NDUFA7: variants seen among roughly 807,000 people sequenced by gnomAD.
NDUFA7 encodes the protein NADH:ubiquinone oxidoreductase subunit A7.
NDUFA7 carries 18 observed loss-of-function variants against 14.2 expected under a neutral mutation model. The observed-to-expected ratio is 1.27, with a 90% CI of 0.88 to 1.88. The LOEUF (loss-of-function observed/expected upper bound fraction) is 1.88. NDUFA7 is among the 40% of genes most tolerant of loss of function. The pLI, the probability that NDUFA7 is intolerant of heterozygous loss-of-function variation, is 0.00. For missense variants in NDUFA7, 172 were observed against 147.3 expected (o/e 1.17, Z -0.87); for synonymous variants, 75 against 62.1 (o/e 1.21, Z -0.98).
chr19:8,312,030 C>A (rs1270246503), intron 3 of NDUFA7, among the ~76,000 whole-genome samples: 3 of 152,256 alleles, frequency 2.0e-5, no homozygotes, highest in African/African-American at 4.8e-5. Flanking sequence ...ATGGCAGGCG[C>A]TACTGTGTGG....
At chr19:8,316,391 T>C (rs1970233728) in intron 3 of NDUFA7, 105 bp downstream of exon 3, 3 of 1,486,534 alleles carry the variant, frequency 2.0e-6, no homozygotes, top group Admixed American at 1.9e-5. Context: ...CAACTGATGC[T>C]TACTAAGTAG....
intron 2 of NDUFA7, 65 bp downstream of exon 2, chr19:8,320,792 C>G: frequency 6.3e-7 from 1 of 1,593,034 alleles, no homozygotes; most frequent in Non-Finnish European, 8.6e-7. Flanking sequence ...TAAAGGAACA[C>G]AGATTTCGTT....
In NDUFA7 at chr19:8,321,370, G is replaced by T. The variant is rs376767746; in HGVS notation, c.-12C>A. 9 of 1,568,470 alleles carry T rather than the reference G, an allele frequency of 5.7e-6. No individual in the cohort carries two copies. Among genetic ancestry groups the T allele is most frequent in the Non-Finnish European group, 7.8e-6 (9 of 1,158,700 alleles). On this transcript the variant is annotated 5_prime_UTR_variant, in exon 1 of 4. Coordinates refer to ENST00000301457, the MANE Select transcript of NDUFA7 (RefSeq NM_005001.5). ...GTGGCGGACGCCATCTTCCGTCCGC[G>T]ATACTGAAGGGCGCAGCCGGTGACG...
chr19:8,313,828 A>G (rs565470249), intron 3 of NDUFA7, among the ~76,000 whole-genome samples: 2 of 152,310 alleles, frequency 1.3e-5, no homozygotes, highest in Non-Finnish European at 2.9e-5. Flanking sequence ...TAACTGGTGG[A>G]GTTATTAGGA....
intron 3 of NDUFA7, among the ~76,000 whole-genome samples, chr19:8,312,987 G>T (rs1269632724): frequency 6.6e-6 from 1 of 152,146 alleles, no homozygotes; most frequent in Admixed American, 6.6e-5. Flanking sequence ...AGTAGAGGCA[G>T]GGTTTCGCCC....
intron 1 of NDUFA7, 191 bp from the exon 2 acceptor site, chr19:8,321,097 A>G: frequency 2.3e-6 from 2 of 862,956 alleles, no homozygotes; most frequent in East Asian, 2.7e-5. Context: ...ATCCAAGGCT[A>G]AGAAGGTCGG....
downstream of NDUFA7, among the ~76,000 whole-genome samples, chr19:8,309,631 C>T (rs1378104409): frequency 6.6e-6 from 1 of 152,168 alleles, no homozygotes. Context: ...TTGCCCCAAG[C>T]AGAATCCCAC....
At chr19:8,321,239 A>G in intron 1 of NDUFA7, 69 bp downstream of exon 1, 1 of 1,452,286 alleles carries the variant, frequency 6.9e-7, no homozygotes. Flanking sequence ...GGAGGTGAGG[A>G]GCAGGAGCGG....
Position 8,318,695 on chromosome 19 carries a change from C to G in NDUFA7, c.102-2050G>C, listed in dbSNP as rs1402742774. Among the ~76,000 whole-genome samples the G allele has an allele frequency of 8.6e-5, 12 of 139,168 alleles. No homozygotes were observed. In the Admixed American group the frequency reaches 8.9e-4, roughly 10 times the overall value. 91.3% of individuals were successfully genotyped at this position (139,168 alleles called of 152,430 possible). A position where few individuals can be genotyped will look rare whatever the true frequency, so the allele number is the denominator to read the frequency against. On this transcript the variant is annotated intron_variant, in intron 2 of 3. Coordinates refer to ENST00000301457, the MANE Select transcript of NDUFA7 (RefSeq NM_005001.5). ...AAAAAAAAAAAAAAAAAAAAAAGGC[C>G]AGGCGCGGTGGCTCACACCTGTAAT...
At chr19:8,316,422 C>T in intron 3 of NDUFA7, 74 bp downstream of exon 3, 3 of 1,574,228 alleles carry the variant, frequency 1.9e-6, no homozygotes, top group Non-Finnish European at 2.6e-6. Context: ...AGCACCCTTT[C>T]CACAAGTTGG....
intron 3 of NDUFA7, among the ~76,000 whole-genome samples, chr19:8,315,410 G>A (rs1970221751): frequency 6.6e-6 from 1 of 152,208 alleles, no homozygotes; most frequent in Admixed American, 6.5e-5. Context: ...TCCATCTACT[G>A]AGATAGGGGA....
chr19:8,311,567 C>A lies in NDUFA7; in HGVS notation c.280G>T (p.Ala94Ser). ...SSAVAATEKK[A>S]VTPAPPIKRW... ...TTTATGGGAGGAGCTGGAGTCACCG[C>A]CTTCTTCTCAGTGGCAGCTACAGCA... is the stretch of plus-strand genomic sequence containing the variant. Residue 94 changes from alanine to serine, a missense_variant, in exon 4 of 4, where the codon GCG becomes TCG. By Grantham distance (99) the Ala-to-Ser change is moderately conservative (BLOSUM62 1). Transcript: ENST00000301457. 1 of 1,612,660 alleles carries A rather than the reference C, an allele frequency of 6.2e-7. No individual in the cohort carries two copies. Among genetic ancestry groups the A allele is most frequent in the Non-Finnish European group, 8.5e-7 (1 of 1,179,354 alleles).
intron 2 of NDUFA7, among the ~76,000 whole-genome samples, chr19:8,317,211 G>C (rs114158839): frequency 6.6e-6 from 1 of 152,108 alleles, no homozygotes; most frequent in Non-Finnish European, 1.5e-5. Context: ...AACAGAGCTC[G>C]GTCTTGGCTT....
At chr19:8,319,245 T>C (rs1000105297) in intron 2 of NDUFA7, 1 of 151,990 alleles carries the variant, frequency 6.6e-6, no homozygotes, top group Non-Finnish European at 1.5e-5. Flanking sequence ...AAACTGCAAA[T>C]GTACCCCAGA....
downstream of NDUFA7, among the ~76,000 whole-genome samples, chr19:8,310,321 C>T (rs980485535): frequency 6.6e-6 from 1 of 151,872 alleles, no homozygotes; most frequent in Non-Finnish European, 1.5e-5. Context: ...CCCAGCTACT[C>T]GGGAGGCTGA....
chr19:8,320,716 A>C, intron 2 of NDUFA7, 141 bp downstream of exon 2: 1 of 1,065,624 alleles, frequency 9.4e-7, no homozygotes, highest in Admixed American at 2.0e-5. Context: ...GGTTAAAGGC[A>C]AACCTCTGCC....
At chr19:8,316,026 T>C (rs1421989724) in intron 3 of NDUFA7, among the ~76,000 whole-genome samples, 2 of 151,410 alleles carry the variant, frequency 1.3e-5, no homozygotes, top group African/African-American at 2.4e-5. Flanking sequence ...GGTGGGCACT[T>C]GTAACCCCAG....
intron 2 of NDUFA7, among the ~76,000 whole-genome samples, chr19:8,318,499 T>G (rs1318896071): frequency 2.0e-5 from 3 of 151,488 alleles, no homozygotes; most frequent in Admixed American, 2.0e-4. Context: ...ACCTTGTCTC[T>G]ATACAAAAAT....
At chr19:8,320,203 AG>A (rs1211859056) in intron 2 of NDUFA7, among the ~76,000 whole-genome samples, 1 of 152,196 alleles carries the variant, frequency 6.6e-6, no homozygotes, top group Non-Finnish European at 1.5e-5. Flanking sequence ...CCCATCATTC[AG>A]GGGACTCAAC....
Sources: gnomAD v4.1 joint callset for allele counts (sites outside exome capture counted in the v4.1 genomes callset) on GRCh38, gnomAD v4.1.1 for gene constraint, MANE v1.5 for transcripts, NCBI Gene and HGNC (gene_info 2026-07-23, HGNC 2026-07-21) for gene names.